The following CACNA2D1 variants were observed in gnomAD, a reference collection of about 807,000 sequenced individuals.
CACNA2D1 encodes the protein voltage-dependent calcium channel subunit alpha-2/delta-1.
In CACNA2D1, 53 loss-of-function variants were observed where a neutral mutation model predicts 171.5. The ratio of observed to expected loss-of-function variants is 0.31; its 90% CI spans 0.25 to 0.39. The LOEUF is 0.39. Ranked by LOEUF, CACNA2D1 falls within the 10% of genes least tolerant of loss-of-function variation. The pLI, the probability that CACNA2D1 is intolerant of heterozygous loss-of-function variation, is 1.00. For missense variants in CACNA2D1, 903 were observed against 1,299.8 expected, an observed-to-expected ratio of 0.69 and a Z score of 4.69; for synonymous variants, 442 against 443.1, an observed-to-expected ratio of 1.00 and a Z score of 0.03.
chr7:82,196,134 T>C (rs527642989), intron 3 of CACNA2D1, among the ~76,000 whole-genome samples: 4 of 152,186 alleles, frequency 2.6e-5, no homozygotes, highest in South Asian at 2.1e-4. Context: ...CTTTGCTTTT[T>C]ATTACATAGC....
chr7:81,999,936 C>T (rs1798416961), intron 18 of CACNA2D1, among the ~76,000 whole-genome samples: 1 of 152,118 alleles, frequency 6.6e-6, no homozygotes, highest in Admixed American at 6.5e-5. Flanking sequence ...GGCAGTGGCT[C>T]TGCACTTTAG....
At chr7:82,018,010 T>C (rs538563474) in intron 12 of CACNA2D1, among the ~76,000 whole-genome samples, 119 of 152,290 alleles carry the variant, frequency 7.8e-4, no homozygotes, top group African/African-American at 2.8e-3. Flanking sequence ...TTTTCTGTTG[T>C]GAGTAAAATG....
chr7:82,429,444 G>A (rs1829485624), intron 1 of CACNA2D1, among the ~76,000 whole-genome samples: 1 of 152,034 alleles, frequency 6.6e-6, no homozygotes, highest in Non-Finnish European at 1.5e-5. Context: ...CCAGGTTTTG[G>A]CTCCCTGTGC....
intron 3 of CACNA2D1, among the ~76,000 whole-genome samples, chr7:82,212,929 C>T (rs906920064): frequency 2.0e-5 from 3 of 150,918 alleles, no homozygotes; most frequent in African/African-American, 7.3e-5. Flanking sequence ...GAGATGGAGT[C>T]TCACTCTGTC....
chr7:82,132,608 C>A (rs951856872), intron 5 of CACNA2D1, among the ~76,000 whole-genome samples: 2 of 152,094 alleles, frequency 1.3e-5, no homozygotes, highest in African/African-American at 2.4e-5. Flanking sequence ...GAACACCGAT[C>A]TTGGAGCACA....
intron 21 of CACNA2D1, among the ~76,000 whole-genome samples, chr7:81,988,285 G>A (rs1178677242): frequency 1.3e-5 from 2 of 152,024 alleles, no homozygotes; most frequent in Non-Finnish European, 2.9e-5. Context: ...ATTGAAAGGT[G>A]GCAATAAGGA....
At chr7:82,301,318 G>A (rs1006286582) in intron 3 of CACNA2D1, among the ~76,000 whole-genome samples, 1 of 152,076 alleles carries the variant, frequency 6.6e-6, no homozygotes, top group Non-Finnish European at 1.5e-5. Flanking sequence ...TAGAGACGGG[G>A]TTTCTCCATG....
intron 13 of CACNA2D1, 69 bp from the exon 14 acceptor site, chr7:82,013,579 T>C (rs1405207238): frequency 1.1e-5 from 6 of 539,408 alleles, no homozygotes; most frequent in South Asian, 8.8e-5. Flanking sequence ...AATTATTTTA[T>C]TTTATAAATA....
chr7:82,351,972 G>T (rs764196527), intron 1 of CACNA2D1, among the ~76,000 whole-genome samples: 3 of 152,062 alleles, frequency 2.0e-5, no homozygotes, highest in Non-Finnish European at 4.4e-5. Flanking sequence ...GAGAGGCAAA[G>T]AATATATATG....
At chr7:82,111,613 G>GT (rs995898912) in intron 6 of CACNA2D1, among the ~76,000 whole-genome samples, 1 of 150,838 alleles carries the variant, frequency 6.6e-6, no homozygotes, top group African/African-American at 2.4e-5. Flanking sequence ...ACCCAAGGCT[G>GT]TTTTTAAAAT....
intron 20 of CACNA2D1, among the ~76,000 whole-genome samples, chr7:81,993,207 TCAGA>T (rs1293335418): frequency 2.0e-5 from 3 of 152,150 alleles, no homozygotes; most frequent in East Asian, 1.9e-4. Flanking sequence ...CAAATTAATT[TCAGA>T]CAGATTGTAG....
At chr7:82,155,704 A>T (rs17155940) in intron 4 of CACNA2D1, among the ~76,000 whole-genome samples, 1 of 151,984 alleles carries the variant, frequency 6.6e-6, no homozygotes, top group Non-Finnish European at 1.5e-5. Context: ...AAATCTCCCT[A>T]CTACTAGCCA....
At chr7:82,091,339 C>T (rs1351599187) in intron 6 of CACNA2D1, among the ~76,000 whole-genome samples, 2 of 152,150 alleles carry the variant, frequency 1.3e-5, no homozygotes, top group Non-Finnish European at 2.9e-5. Flanking sequence ...AGCCTTATTC[C>T]TACAGTTAAT....
chr7:82,340,352 T>A (rs956010886), intron 2 of CACNA2D1, among the ~76,000 whole-genome samples: 2 of 151,896 alleles, frequency 1.3e-5, no homozygotes, highest in Admixed American at 6.6e-5. Context: ...TTTTTTTTTT[T>A]TTTTAATAGG....
chr7:81,959,736 T>C lies in CACNA2D1; in HGVS notation c.3060A>G (p.Ile1020Met), dbSNP rs748581194. The C allele has an allele frequency of 5.8e-5, 94 of 1,612,528 alleles. No homozygotes were observed. Among genetic ancestry groups the C allele is most frequent in the Admixed American group, 1.8e-4 (11 of 59,842 alleles). The change falls in exon 37 of 39, where the codon ATA becomes ATG. Residue 1020 changes from isoleucine to methionine, a missense_variant. Ile to Met is a conservative substitution (Grantham distance 10). Coordinates refer to ENST00000356860, the MANE Select transcript of CACNA2D1 (RefSeq NM_000722.4). Reference sequence around the variant, plus strand: ...AAAGGATACAAGTCTGCTCCGCTTGTATGAGCAGTCGTGTGTCACATGGAC... The same window carrying C: ...AAAGGATACAAGTCTGCTCCGCTTGCATGAGCAGTCGTGTGTCACATGGAC... ...GTCPCDTRLL[I>M]QAEQTSDGPN...
chr7:82,299,104 AT>A (rs11438532), intron 3 of CACNA2D1, among the ~76,000 whole-genome samples: 41,610 of 150,014 alleles, frequency 0.28, 6,480 homozygotes, highest in Non-Finnish European at 0.35. Context: ...ATACCAAGTC[AT>A]TTTTTACTCA....
chr7:82,424,846 T>C (rs1354717167), intron 1 of CACNA2D1, among the ~76,000 whole-genome samples: 1 of 152,248 alleles, frequency 6.6e-6, no homozygotes, highest in Non-Finnish European at 1.5e-5. Flanking sequence ...CATCTGATGC[T>C]TCACAGCATT....
chr7:82,128,675 A>G (rs945437862), intron 5 of CACNA2D1, among the ~76,000 whole-genome samples: 8 of 152,186 alleles, frequency 5.3e-5, no homozygotes, highest in African/African-American at 1.4e-4. Flanking sequence ...CCAGCCTAAT[A>G]AACACGAAAG....
chr7:82,201,824 G>C lies in CACNA2D1; in HGVS notation c.295-31215C>G, dbSNP rs144813291. On this transcript the variant is annotated intron_variant, in intron 3 of 38. Transcript: ENST00000356860. The stretch of plus-strand genomic sequence containing the variant: ...TGCTAACCATTCCTCATGGGATCAG[G>C]CTGAAAGGAGTGTTCTGGCTGAAAG... 3.7e-3 allele frequency among the ~76,000 whole-genome samples: 561 copies of C among 152,296 alleles called. 4 individuals carry two copies. The highest frequency in any genetic ancestry group is 0.013 in the African/African-American group (532 of 41,568).
Sources: gnomAD v4.1 joint callset for allele counts (sites outside exome capture counted in the v4.1 genomes callset) on GRCh38, gnomAD v4.1.1 for gene constraint, MANE v1.5 for transcripts, NCBI Gene and HGNC (gene_info 2026-07-23, HGNC 2026-07-21) for gene names.